Variants in PPOX observed in about 807,000 individuals in gnomAD.
PPOX encodes the protein protoporphyrinogen oxidase.
In PPOX, 23 loss-of-function variants were observed where a neutral mutation model predicts 54.1. That is an observed-to-expected ratio of 0.43 (90% CI 0.31 to 0.60). The LOEUF (loss-of-function observed/expected upper bound fraction) is 0.60. Ranked by LOEUF, PPOX falls within the 20% of genes least tolerant of loss-of-function variation. The pLI, the probability that PPOX is intolerant of heterozygous loss-of-function variation, is 0.13. For missense variants in PPOX, 512 were observed against 601.1 expected (o/e 0.85, Z 1.55); for synonymous variants, 224 against 236.1 (o/e 0.95, Z 0.47).
At chr1:161,169,265 G>C in intron 7 of PPOX, 82 bp downstream of exon 7, 1 of 1,499,512 alleles carries the variant, frequency 6.7e-7, no homozygotes, top group South Asian at 1.1e-5. Context: ...GGGCCGATAG[G>C]ACTGGAGTTC....
At chr1:161,173,628 A>C (rs1571476129), downstream of PPOX, 1 of 1,614,068 alleles carries the variant, frequency 6.2e-7, no homozygotes, top group South Asian at 1.1e-5. Context: ...CGTCATCCTC[A>C]CCACCCCAGC....
At chr1:161,172,752 G>C (rs1558047086), downstream of PPOX, among the ~76,000 whole-genome samples, 1 of 152,038 alleles carries the variant, frequency 6.6e-6, no homozygotes, top group Admixed American at 6.5e-5. Flanking sequence ...GGTAGGCCAG[G>C]TGCAGTGGCT....
downstream of PPOX, chr1:161,175,121 G>C: frequency 6.2e-7 from 1 of 1,613,980 alleles, no homozygotes; most frequent in Non-Finnish European, 8.5e-7. Context: ...CGGGAGCGGG[G>C]CTCACAACCT....
chr1:161,171,788 C>T, downstream of PPOX: 1 of 1,611,558 alleles, frequency 6.2e-7, no homozygotes, highest in Non-Finnish European at 8.5e-7. Context: ...AATTCGGTTT[C>T]ATGATTAAGG....
At chr1:161,171,242 C>G, downstream of PPOX, 1 of 1,610,580 alleles carries the variant, frequency 6.2e-7, no homozygotes, top group Non-Finnish European at 8.5e-7. Flanking sequence ...GTTCTATCAC[C>G]TATAGGCATA....
rs1178227815 is a variant in PPOX, at chr1:161,166,594, C to T, written c.-87C>T. 2.1e-6 allele frequency: 3 copies of T among 1,433,312 alleles called. No individual in the cohort carries two copies. Among genetic ancestry groups the T allele is most frequent in the East Asian group, 2.5e-5 (1 of 39,340 alleles). 88.8% of individuals were successfully genotyped at this position (1,433,312 alleles called of 1,614,324 possible). On this transcript the variant is annotated 5_prime_UTR_variant, in exon 1 of 13. Coordinates refer to ENST00000367999, the MANE Select transcript of PPOX (RefSeq NM_001122764.3). ...CGAGGGTGTGGCCCTTATCTGCACC[C>T]AGCAGAGCGCCGGCGGGGTACGGTC...
At chr1:161,169,269 G>A in intron 7 of PPOX, 86 bp downstream of exon 7, 2 of 1,485,970 alleles carry the variant, frequency 1.3e-6, no homozygotes, top group Non-Finnish European at 1.8e-6. Context: ...CGATAGGACT[G>A]GAGTTCCTCA....
intron 5 of PPOX, 36 bp from the exon 6 acceptor site, chr1:161,168,396 A>G: frequency 6.2e-7 from 1 of 1,612,436 alleles, no homozygotes. Flanking sequence ...AGTGTAGATT[A>G]TTTTTTCGCT....
chr1:161,175,855 G>A (rs1211378370), downstream of PPOX: 2 of 1,614,158 alleles, frequency 1.2e-6, no homozygotes, highest in African/African-American at 1.3e-5. Flanking sequence ...TTGAGGAGCT[G>A]GAGGACCCCC....
intron 4 of PPOX, chr1:161,176,786 C>G (rs562512256): frequency 7.0e-7 from 1 of 1,433,838 alleles, no homozygotes; most frequent in Admixed American, 2.0e-5. Context: ...CGTACCCCCA[C>G]CCCAACAGGA....
rs1660997130 is a variant in PPOX, at chr1:161,170,600, G to T, written c.1099-20G>T. The T allele has an allele frequency of 6.2e-7, 1 of 1,614,250 alleles. No homozygotes were observed. Among genetic ancestry groups the T allele is most frequent in the African/African-American group, 1.3e-5 (1 of 75,060 alleles). The stretch of plus-strand genomic sequence containing the variant: ...ATTGTAGGCAAGGCCAGACTGATCA[G>T]TGCTATATTCCCTCCTTAGGTGATG... On this transcript the variant is annotated intron_variant, in intron 10 of 12. Coordinates refer to ENST00000367999, the MANE Select transcript of PPOX (RefSeq NM_001122764.3).
intron 12 of PPOX, 38 bp from the exon 13 acceptor site, chr1:161,170,996 C>T: frequency 6.2e-7 from 1 of 1,613,070 alleles, no homozygotes; most frequent in South Asian, 1.1e-5. Flanking sequence ...GGACATCAGA[C>T]CCCCAGCTAA....
Position 161,170,688 on chromosome 1 carries a change from T to A in PPOX, c.1167T>A (p.Phe389Leu), listed in dbSNP as rs746782259. 6 of 1,614,134 alleles carry A rather than the reference T, an allele frequency of 3.7e-6. No homozygotes were observed. Among genetic ancestry groups the A allele is most frequent in the Non-Finnish European group, 5.1e-6 (6 of 1,180,038 alleles). ...ASGCVLSQELFQQRAQEAAAT... is the reference protein window; with the variant it reads ...ASGCVLSQELLQQRAQEAAAT... ...GCTGTGTCTTATCTCAGGAGCTGTT[T>A]CAACAGCGGGCCCAGGAAGCAGCTG... Residue 389 changes from phenylalanine (F) to leucine (L), a missense_variant, in exon 11 of 13, where the codon TTT (phenylalanine) becomes TTA (leucine). Physicochemically the swap from Phe to Leu is conservative, Grantham distance 22 (BLOSUM62 0). Coordinates refer to ENST00000367999, the MANE Select transcript of PPOX (RefSeq NM_001122764.3).
chr1:161,170,963 A>G lies in PPOX; in HGVS notation c.1291+14A>G. 3 of 1,614,082 alleles carry G rather than the reference A, an allele frequency of 1.9e-6. No individual in the cohort carries two copies. The highest frequency in any genetic ancestry group is 2.5e-6 in the Non-Finnish European group (3 of 1,180,036). On this transcript the variant is annotated intron_variant, in intron 12 of 12. Transcript: ENST00000367999. ...GGCAAAAACTAGGTAAGTTGGGAAAACAGCTGGGCTGAGGAGGGCCAAGGA... is the reference window on the plus strand; with the variant it reads ...GGCAAAAACTAGGTAAGTTGGGAAAGCAGCTGGGCTGAGGAGGGCCAAGGA...
chr1:161,175,148 C>T, downstream of PPOX: 2 of 1,613,894 alleles, frequency 1.2e-6, no homozygotes, highest in East Asian at 2.2e-5. Context: ...CGGTACCGGC[C>T]CCCTGGTTCT....
Position 161,171,049 on chromosome 1 carries a change from T to TCCTGACTGCTCACAGGTTGCC in PPOX, c.1315_1335dup (p.Ala439_Thr445dup). 1 of 1,614,178 alleles carries TCCTGACTGCTCACAGGTTGCC rather than the reference T, an allele frequency of 6.2e-7. No homozygotes were observed. Among genetic ancestry groups the TCCTGACTGCTCACAGGTTGCC allele is most frequent in the Non-Finnish European group, 8.5e-7 (1 of 1,180,046 alleles). On this transcript the variant is annotated inframe_insertion, in exon 13 of 13. Coordinates refer to ENST00000367999, the MANE Select transcript of PPOX (RefSeq NM_001122764.3). ...TTCCTTCCAGAGTCAGCTAGGCAAT[T>TCCTGACTGCTCACAGGTTGCC]CCTGACTGCTCACAGGTTGCCCCTG...
downstream of PPOX, chr1:161,171,805 G>A: frequency 6.2e-7 from 1 of 1,613,660 alleles, no homozygotes; most frequent in East Asian, 2.2e-5. Context: ...AAGGTAGACA[G>A]GAAGGAGGAG....
chr1:161,167,950 A>T, intron 4 of PPOX, 45 bp from the exon 5 acceptor site: 1 of 1,613,466 alleles, frequency 6.2e-7, no homozygotes, highest in Non-Finnish European at 8.5e-7. Flanking sequence ...GGAGCTGGGG[A>T]GGTATGTCAG....
downstream of PPOX, chr1:161,172,439 A>C: frequency 1.1e-6 from 1 of 938,982 alleles, no homozygotes. Context: ...AGTAGGCAAA[A>C]GAAAAAAAAA....
Sources: gnomAD v4.1 joint callset for allele counts (sites outside exome capture counted in the v4.1 genomes callset) on GRCh38, gnomAD v4.1.1 for gene constraint, MANE v1.5 for transcripts, NCBI Gene and HGNC (gene_info 2026-07-23, HGNC 2026-07-21) for gene names.